CHCHD6: variants seen among roughly 807,000 people sequenced by gnomAD.
CHCHD6 encodes coiled-coil-helix-coiled-coil-helix domain containing 6.
A neutral mutation model predicts 32.3 loss-of-function variants in CHCHD6; 28 were observed. That is an observed-to-expected ratio of 0.87 (90% CI 0.64 to 1.19). CHCHD6 has a LOEUF of 1.19. CHCHD6 is among the 50% of genes most tolerant of loss of function. The pLI, the probability that CHCHD6 is intolerant of heterozygous loss-of-function variation, is 0.00. For missense variants in CHCHD6, 333 were observed against 307.0 expected (o/e 1.08, Z -0.63); for synonymous variants, 122 against 117.5 (o/e 1.04, Z -0.25).
At chr3:126,774,068 T>C (rs1937592281) in intron 4 of CHCHD6, among the ~76,000 whole-genome samples, 1 of 152,214 alleles carries the variant, frequency 6.6e-6, no homozygotes, top group Non-Finnish European at 1.5e-5. Flanking sequence ...TAGTTGGCAT[T>C]CTATTTAAGA....
intron 6 of CHCHD6, among the ~76,000 whole-genome samples, chr3:126,955,443 C>T (rs1467784759): frequency 2.0e-5 from 3 of 152,254 alleles, no homozygotes; most frequent in Non-Finnish European, 4.4e-5. Flanking sequence ...GCATGCAATG[C>T]AGACTTGAGT....
intron 4 of CHCHD6, among the ~76,000 whole-genome samples, chr3:126,847,137 A>G (rs1263795557): frequency 1.3e-5 from 2 of 152,188 alleles, no homozygotes; most frequent in African/African-American, 4.8e-5. Flanking sequence ...AACATTTATT[A>G]TCTTGTGGTT....
intron 5 of CHCHD6, among the ~76,000 whole-genome samples, chr3:126,900,814 G>A (rs2077914971): frequency 6.6e-6 from 1 of 151,976 alleles, no homozygotes; most frequent in Admixed American, 6.6e-5. Context: ...ATGTTGGTCA[G>A]GCTGGTCTTG....
intron 5 of CHCHD6, among the ~76,000 whole-genome samples, chr3:126,902,142 GAGCTTCTGTAAGACAAC>G: frequency 6.6e-6 from 1 of 152,320 alleles, no homozygotes; most frequent in South Asian, 2.1e-4. Context: ...TCTCTTGGGG[GAGCTTCTGTAAGACAAC>G]AGCGTCTGTA....
At chr3:126,927,747 A>AT (rs2078345518) in intron 6 of CHCHD6, among the ~76,000 whole-genome samples, 1 of 152,218 alleles carries the variant, frequency 6.6e-6, no homozygotes, top group Admixed American at 6.5e-5. Context: ...GAGGGATTAA[A>AT]TGTTATTACA....
intron 1 of CHCHD6, among the ~76,000 whole-genome samples, chr3:126,708,249 C>G (rs755902278): frequency 2.6e-5 from 4 of 152,202 alleles, no homozygotes; most frequent in Non-Finnish European, 5.9e-5. Context: ...GTCATTATCC[C>G]CATCTCAGAA....
chr3:126,769,282 T>G (rs1937497364), intron 4 of CHCHD6, among the ~76,000 whole-genome samples: 1 of 151,958 alleles, frequency 6.6e-6, no homozygotes, highest in Non-Finnish European at 1.5e-5. Flanking sequence ...GAATAGGGAG[T>G]CTTTTCCTCA....
At chr3:126,956,636 A>G (rs1009370210) in intron 6 of CHCHD6, among the ~76,000 whole-genome samples, 1 of 151,928 alleles carries the variant, frequency 6.6e-6, no homozygotes, top group African/African-American at 2.4e-5. Context: ...AGAAATCTGG[A>G]AGGAGACCAA....
intron 6 of CHCHD6, among the ~76,000 whole-genome samples, chr3:126,917,391 C>G (rs1173262347): frequency 1.3e-5 from 2 of 152,178 alleles, no homozygotes; most frequent in African/African-American, 4.8e-5. Flanking sequence ...CTTGCAGGCC[C>G]TGCCTGGACG....
chr3:126,726,551 T>TA lies in CHCHD6; in HGVS notation c.88-516dup, dbSNP rs10707343. Among the ~76,000 whole-genome samples the TA allele has an allele frequency of 6.3e-3, 931 of 148,922 alleles. 6 individuals carry two copies. The highest frequency in any genetic ancestry group is 5.6e-3 in the African/African-American group (228 of 40,764). On this transcript the variant is annotated intron_variant, in intron 1 of 7. Coordinates refer to ENST00000290913, the MANE Select transcript of CHCHD6 (RefSeq NM_032343.3). ...AGGCTTGCCACAGACCTTCAACTTG[T>TA]AAAAAAAAAAATGTGTTATCTGCAA...
intron 1 of CHCHD6, among the ~76,000 whole-genome samples, chr3:126,707,543 A>T (rs887290471): frequency 6.6e-6 from 1 of 152,126 alleles, no homozygotes; most frequent in African/African-American, 2.4e-5. Flanking sequence ...CCTCCTCTCC[A>T]CATGAGCCGC....
At chr3:126,836,247 T>C (rs1297448617) in intron 4 of CHCHD6, among the ~76,000 whole-genome samples, 1 of 152,186 alleles carries the variant, frequency 6.6e-6, no homozygotes, top group Non-Finnish European at 1.5e-5. Context: ...GTATTTGTTA[T>C]GGTGTTTGTT....
intron 4 of CHCHD6, among the ~76,000 whole-genome samples, chr3:126,753,931 C>T (rs1936840197): frequency 6.6e-6 from 1 of 152,180 alleles, no homozygotes; most frequent in South Asian, 2.1e-4. Flanking sequence ...AAGGGATTGC[C>T]AGGCTTGAGT....
chr3:126,819,204 T>C (rs1173439980), intron 4 of CHCHD6, among the ~76,000 whole-genome samples: 2 of 152,172 alleles, frequency 1.3e-5, no homozygotes, highest in African/African-American at 4.8e-5. Flanking sequence ...GGTAACAAAC[T>C]ATGCTGAGAC....
intron 4 of CHCHD6, among the ~76,000 whole-genome samples, chr3:126,739,444 A>G (rs1386496134): frequency 6.6e-6 from 1 of 152,212 alleles, no homozygotes; most frequent in Non-Finnish European, 1.5e-5. Flanking sequence ...CTGGTGGGCA[A>G]AAAACCTCTC....
intron 4 of CHCHD6, among the ~76,000 whole-genome samples, chr3:126,765,701 G>T (rs1937341617): frequency 6.6e-6 from 1 of 152,218 alleles, no homozygotes; most frequent in Non-Finnish European, 1.5e-5. Flanking sequence ...ATGTGACAAG[G>T]CTCAGCCCTG....
chr3:126,868,828 A>G (rs183658175), intron 5 of CHCHD6, among the ~76,000 whole-genome samples: 1 of 152,170 alleles, frequency 6.6e-6, no homozygotes, highest in African/African-American at 2.4e-5. Flanking sequence ...TAGCTGCCTA[A>G]ACTTGTTTTC....
At chr3:126,868,004 G>A (rs1032402451) in intron 5 of CHCHD6, among the ~76,000 whole-genome samples, 1 of 152,192 alleles carries the variant, frequency 6.6e-6, no homozygotes, top group African/African-American at 2.4e-5. Context: ...GTGGCTCCAG[G>A]CCCTATTCCA....
chr3:126,740,664 C>T (rs888528716), intron 4 of CHCHD6, among the ~76,000 whole-genome samples: 8 of 152,146 alleles, frequency 5.3e-5, no homozygotes, highest in Non-Finnish European at 1.0e-4. Flanking sequence ...TCTGCATGCC[C>T]CATTCACCTT....
Sources: allele counts gnomAD v4.1 joint callset (sites outside exome capture counted in the v4.1 genomes callset), GRCh38; gene constraint gnomAD v4.1.1; transcripts MANE v1.5; gene names NCBI Gene and HGNC (gene_info 2026-07-23, HGNC 2026-07-21).